Variants in NUDT3 observed in about 807,000 individuals in gnomAD.
NUDT3 encodes nudix hydrolase 3.
NUDT3 carries 9 observed loss-of-function variants against 23.6 expected under a neutral mutation model. That is an observed-to-expected ratio of 0.38 (90% CI 0.23 to 0.66). NUDT3 has a LOEUF of 0.66. Among genes scored for constraint, NUDT3 ranks in the 30% least tolerant of loss-of-function variants. The pLI, the probability that NUDT3 is intolerant of heterozygous loss-of-function variation, is 0.52. For synonymous variants in NUDT3, 86 were observed against 82.6 expected (o/e 1.04, Z -0.22); for missense variants, 172 against 218.5 (o/e 0.79, Z 1.34).
In NUDT3 at chr6:34,285,316, A is replaced by T. The variant is rs910002076; in HGVS notation, c.*3437T>A. ...TGGTAGCCCTTCTGTACATACACAC[A>T]CACACACCCAGAGAGAAGACAGAGA... is the stretch of plus-strand genomic sequence containing the variant. On this transcript the variant is annotated 3_prime_UTR_variant, in exon 5 of 5. Coordinates refer to ENST00000607016, the MANE Select transcript of NUDT3 (RefSeq NM_006703.4). The T allele has an allele frequency of 6.6e-6, 1 of 152,250 alleles. No individual in the cohort carries two copies. Among genetic ancestry groups the T allele is most frequent in the African/African-American group, 2.4e-5 (1 of 41,464 alleles). The allele number at this position is 152,250 out of a possible 1,614,324, so 9.4% of individuals were successfully genotyped here.
At chr6:34,303,971 G>A (rs1763637153) in intron 2 of NUDT3, among the ~76,000 whole-genome samples, 2 of 152,144 alleles carry the variant, frequency 1.3e-5, no homozygotes, top group African/African-American at 4.8e-5. Context: ...TCTGCTACGA[G>A]GCCAGGCGCA....
chr6:34,334,624 A>G (rs925515931), intron 2 of NUDT3, among the ~76,000 whole-genome samples: 4 of 149,938 alleles, frequency 2.7e-5, no homozygotes, highest in African/African-American at 9.9e-5. Context: ...CAACAGTGAA[A>G]CTCCATCTCA....
chr6:34,345,337 C>G (rs190289359), intron 1 of NUDT3, among the ~76,000 whole-genome samples: 1 of 152,130 alleles, frequency 6.6e-6, no homozygotes, highest in East Asian at 2.0e-4. Context: ...GGTGTGCGAC[C>G]ATGCCCAGCT....
intron 1 of NUDT3, among the ~76,000 whole-genome samples, chr6:34,375,461 A>G (rs1294901075): frequency 6.6e-6 from 1 of 152,234 alleles, no homozygotes; most frequent in African/African-American, 2.4e-5. Flanking sequence ...AAGGCCCACA[A>G]TTGTTTGTGA....
intron 2 of NUDT3, among the ~76,000 whole-genome samples, chr6:34,326,950 T>C (rs544653327): frequency 6.7e-6 from 1 of 150,346 alleles, no homozygotes; most frequent in Non-Finnish European, 1.5e-5. Context: ...GAGAGAGAGA[T>C]CGTACGAAAT....
At chr6:34,391,284 T>C (rs1765194888) in intron 1 of NUDT3, among the ~76,000 whole-genome samples, 1 of 152,198 alleles carries the variant, frequency 6.6e-6, no homozygotes, top group Admixed American at 6.5e-5. Context: ...TGGATTTCAC[T>C]GTCCTTCATT....
chr6:34,294,254 G>A (rs1365890491), intron 3 of NUDT3, among the ~76,000 whole-genome samples: 2 of 151,858 alleles, frequency 1.3e-5, no homozygotes, highest in South Asian at 2.1e-4. Context: ...GGAAAGTGCT[G>A]GGATTACATA....
intron 1 of NUDT3, among the ~76,000 whole-genome samples, chr6:34,384,980 G>T (rs976094279): frequency 8.7e-5 from 13 of 148,666 alleles, no homozygotes; most frequent in African/African-American, 3.0e-4. Context: ...AGTGACCTGA[G>T]ATCGCATTAC....
At chr6:34,315,013 A>G (rs563495248) in intron 2 of NUDT3, among the ~76,000 whole-genome samples, 1 of 152,310 alleles carries the variant, frequency 6.6e-6, no homozygotes, top group Admixed American at 6.5e-5. Flanking sequence ...TGCCGCTGGG[A>G]AAATAAATCA....
intron 2 of NUDT3, among the ~76,000 whole-genome samples, chr6:34,297,566 T>A (rs1470889240): frequency 3.5e-5 from 5 of 140,988 alleles, no homozygotes; most frequent in Non-Finnish European, 7.8e-5. Context: ...TTTTTTTTTT[T>A]AACTCTTGTC....
intron 2 of NUDT3, among the ~76,000 whole-genome samples, chr6:34,327,485 G>A (rs1764057429): frequency 2.0e-5 from 3 of 149,472 alleles, no homozygotes; most frequent in Admixed American, 1.3e-4. Flanking sequence ...AGCTGAGATC[G>A]TGCCACTGCA....
chr6:34,353,837 G>A (rs1764516751), intron 1 of NUDT3, among the ~76,000 whole-genome samples: 1 of 151,910 alleles, frequency 6.6e-6, no homozygotes, highest in Admixed American at 6.6e-5. Flanking sequence ...GAGTGGCTGG[G>A]ACTACAGGCG....
intron 1 of NUDT3, among the ~76,000 whole-genome samples, chr6:34,388,448 T>C (rs935425488): frequency 9.2e-5 from 14 of 152,136 alleles, no homozygotes; most frequent in Admixed American, 1.3e-4. Flanking sequence ...CCATTAAAAT[T>C]TTTTTTAATT....
rs1287421391 is a variant in NUDT3 at position 34,288,870 on chromosome 6, G to A, written c.402C>T (p.Pro134=). Residue 134 remains proline, a synonymous_variant, in exon 5 of 5, where the codon CCC becomes CCT. Transcript: ENST00000607016. ...ATGTTTCAAAATATGATGCCTGCAC[G>A]GGTTTGTGATACTGCAGCACTTTTA... ...DAIKVLQYHK[P]VQASYFETLR... The A allele has an allele frequency of 6.8e-6, 11 of 1,613,904 alleles. 1 individual carries two copies. The highest frequency in any genetic ancestry group is 6.6e-5 in the South Asian group (6 of 91,074).
rs184532201 is a variant in NUDT3 at position 34,341,103 on chromosome 6, C to T, written c.210+759G>A. Among the ~76,000 whole-genome samples, 39 of 152,100 alleles carry T rather than the reference C, an allele frequency of 2.6e-4. No individual in the cohort carries two copies. The East Asian group carries it at 6.9e-3, about 27-fold the overall frequency. The stretch of plus-strand genomic sequence containing the variant: ...TGTGGCCAGGGCGAGTAAACTGGGG[C>T]GATAAAGCTTACACAACTGAGTTAT... On this transcript the variant is annotated intron_variant, in intron 2 of 4. Coordinates refer to ENST00000607016, the MANE Select transcript of NUDT3 (RefSeq NM_006703.4).
chr6:34,298,405 T>C (rs1763547629), intron 2 of NUDT3, among the ~76,000 whole-genome samples: 1 of 152,044 alleles, frequency 6.6e-6, no homozygotes, highest in African/African-American at 2.4e-5. Flanking sequence ...TTTCGTTTAA[T>C]AATAGTAACC....
In NUDT3 at chr6:34,286,679, T is replaced by C. The variant is rs1389292109; in HGVS notation, c.*2074A>G. 3 of 151,976 alleles carry C rather than the reference T, an allele frequency of 2.0e-5. No homozygotes were observed. The highest frequency in any genetic ancestry group is 4.4e-5 in the Non-Finnish European group (3 of 68,006). 9.4% of individuals were successfully genotyped at this position (151,976 alleles called of 1,614,324 possible). A position where few individuals can be genotyped will look rare whatever the true frequency, so the allele number is the denominator to read the frequency against. On this transcript the variant is annotated 3_prime_UTR_variant, in exon 5 of 5. Coordinates refer to ENST00000607016, the MANE Select transcript of NUDT3 (RefSeq NM_006703.4). ...ACCTCTCCTTGGGAATATAATTCCT[T>C]TCCCAGAGGTATCATGGTATCCCAA... is the stretch of plus-strand genomic sequence containing the variant.
intron 1 of NUDT3, among the ~76,000 whole-genome samples, chr6:34,381,612 T>C (rs535486229): frequency 5.9e-5 from 9 of 152,136 alleles, no homozygotes; most frequent in Non-Finnish European, 1.2e-4. Context: ...AGTTTTGTCT[T>C]ACTATTATTA....
intron 2 of NUDT3, among the ~76,000 whole-genome samples, chr6:34,313,259 G>A (rs1763803149): frequency 6.6e-6 from 1 of 152,118 alleles, no homozygotes; most frequent in Non-Finnish European, 1.5e-5. Context: ...ATCTGAAAAG[G>A]CTACATACTG....
Sources: gnomAD v4.1 joint callset for allele counts (sites outside exome capture counted in the v4.1 genomes callset) on GRCh38, gnomAD v4.1.1 for gene constraint, MANE v1.5 for transcripts, NCBI Gene and HGNC (gene_info 2026-07-23, HGNC 2026-07-21) for gene names.